Variants in RNF122 observed in about 807,000 individuals in gnomAD.
The protein encoded by RNF122 is ring finger protein 122.
RNF122 carries 17 observed loss-of-function variants against 24.2 expected under a neutral mutation model. The ratio of observed to expected loss-of-function variants is 0.70; its 90% confidence interval spans 0.48 to 1.06. The LOEUF is 1.06. Among genes scored for constraint, RNF122 ranks in the 50% least tolerant of loss-of-function variants. The pLI is 0.00. For synonymous variants in RNF122, 65 were observed against 71.8 expected (o/e 0.91, Z 0.48); for missense variants, 168 against 198.1 (o/e 0.85, Z 0.91).
chr8:33,548,721 G>T lies in RNF122; in HGVS notation c.*32C>A. The T allele has an allele frequency of 7.3e-7, 1 of 1,375,844 alleles. No individual in the cohort carries two copies. Among genetic ancestry groups the T allele is most frequent in the Non-Finnish European group, 1.0e-6 (1 of 962,952 alleles). 85.2% of individuals were successfully genotyped at this position (1,375,844 alleles called of 1,614,324 possible). A position where few individuals can be genotyped will look rare whatever the true frequency, so the allele number is the denominator to read the frequency against. On this transcript the variant is annotated 3_prime_UTR_variant, in exon 6 of 6. Transcript: ENST00000256257. ...GGACCAGACATCCATGAGGCAAGAG[G>T]TCTTCTCCAGGTCTCGGTGTAGCGG... is the stretch of plus-strand genomic sequence containing the variant.
chr8:33,560,852 C>T (rs1050478231), intron 1 of RNF122, among the ~76,000 whole-genome samples: 4 of 152,040 alleles, frequency 2.6e-5, no homozygotes, highest in Admixed American at 1.3e-4. Flanking sequence ...ATCACTTGAA[C>T]CTGGGAGGTG....
rs1300593587 is a variant in RNF122 at position 33,547,799 on chromosome 8, T to C, written c.*954A>G. 1 of 151,948 alleles carries C rather than the reference T, an allele frequency of 6.6e-6. No homozygotes were observed. Among genetic ancestry groups the C allele is most frequent in the South Asian group, 2.1e-4 (1 of 4,802 alleles). 9.4% of individuals were successfully genotyped at this position (151,948 alleles called of 1,614,324 possible). A position where few individuals can be genotyped will look rare whatever the true frequency, so the allele number is the denominator to read the frequency against. On this transcript the variant is annotated 3_prime_UTR_variant, in exon 6 of 6. Transcript: ENST00000256257. ...TTAAATTTATTTTTCTTTAAATATG[T>C]AACTTTCTCCCACCCTCACCCACTC...
At chr8:33,563,505 A>C (rs956578409) in intron 1 of RNF122, among the ~76,000 whole-genome samples, 29 of 152,224 alleles carry the variant, frequency 1.9e-4, no homozygotes, top group Admixed American at 1.3e-4. Context: ...GCTGTGCCCA[A>C]CAGGAAGTTC....
At chr8:33,558,337 G>C (rs922782047) in intron 2 of RNF122, among the ~76,000 whole-genome samples, 4 of 152,176 alleles carry the variant, frequency 2.6e-5, no homozygotes, top group Non-Finnish European at 5.9e-5. Flanking sequence ...CAGTCACACA[G>C]TAATTCTAGG....
chr8:33,548,575 G>T lies in RNF122; in HGVS notation c.*178C>A, dbSNP rs1338608637. ...AAGAAGGCTTCAGGAGGCAGGAAGT[G>T]GGGGCACATCTGGCACTGGTCTTGC... On this transcript the variant is annotated 3_prime_UTR_variant, in exon 6 of 6. Coordinates refer to ENST00000256257, the MANE Select transcript of RNF122 (RefSeq NM_024787.3). 3.7e-5 allele frequency: 20 copies of T among 534,168 alleles called. No individual in the cohort carries two copies. Among genetic ancestry groups the T allele is most frequent in the Middle Eastern group, 5.1e-4 (1 of 1,966 alleles). The allele number at this position is 534,168 out of a possible 1,614,324, so 33.1% of individuals were successfully genotyped here. A position where few individuals can be genotyped will look rare whatever the true frequency, so the allele number is the denominator to read the frequency against.
intron 4 of RNF122, 97 bp from the exon 5 acceptor site, chr8:33,549,589 A>G: frequency 1.1e-6 from 1 of 877,108 alleles, no homozygotes; most frequent in East Asian, 2.6e-5. Context: ...AGTCTGTTCT[A>G]CCAGGCAGAG....
rs144271550 is a variant in RNF122, at chr8:33,549,434, G to A, written c.329C>T (p.Pro110Leu). The A allele has an allele frequency of 6.8e-4, 1,100 of 1,614,094 alleles. 1 individual carries two copies. The highest frequency in any genetic ancestry group is 9.3e-4 in the Admixed American group (56 of 60,028). The change falls in exon 5 of 6, where the codon CCG (proline) becomes CTG (leucine). Residue 110 changes from proline (P) to leucine (L), a missense_variant. Transcript: ENST00000256257. ...CTTGCGGTGAAAGGCGTGTTGGCACGGGAGCACGCCTAACTCATCCTTCCC... is the reference window on the plus strand; with the variant it reads ...CTTGCGGTGAAAGGCGTGTTGGCACAGGAGCACGCCTAACTCATCCTTCCC... ...FKGKDELGVL[P>L]CQHAFHRKCL...
Position 33,563,952 on chromosome 8 carries a change from G to C in RNF122, c.25+2747C>G, listed in dbSNP as rs942672496. Among the ~76,000 whole-genome samples the C allele has an allele frequency of 5.3e-5, 8 of 152,132 alleles. No individual in the cohort carries two copies. In the South Asian group the frequency reaches 1.4e-3, roughly 28 times the overall value. ...CCACCAACTTATCCTGCCTGATAAA[G>C]GCTTCCCCTTTATCTCCCACTGATT... On this transcript the variant is annotated intron_variant, in intron 1 of 5. Transcript: ENST00000256257.
intron 1 of RNF122, among the ~76,000 whole-genome samples, chr8:33,563,143 C>T (rs1810566817): frequency 1.3e-5 from 2 of 151,170 alleles, no homozygotes; most frequent in South Asian, 4.2e-4. Flanking sequence ...CCTGAACCCT[C>T]CTAGGTTTGC....
chr8:33,556,084 T>C (rs1810446649), intron 2 of RNF122, among the ~76,000 whole-genome samples: 1 of 148,712 alleles, frequency 6.7e-6, no homozygotes, highest in East Asian at 2.0e-4. Flanking sequence ...GGAGACTGAG[T>C]TGGGAGGATG....
At chr8:33,554,102 T>TA (rs1245244336) in intron 2 of RNF122, among the ~76,000 whole-genome samples, 1 of 152,196 alleles carries the variant, frequency 6.6e-6, no homozygotes, top group Non-Finnish European at 1.5e-5. Flanking sequence ...GGGCAGGACA[T>TA]ACCCAACGCT....
At chr8:33,554,839 G>A (rs935479315) in intron 2 of RNF122, among the ~76,000 whole-genome samples, 1 of 152,202 alleles carries the variant, frequency 6.6e-6, no homozygotes, top group Non-Finnish European at 1.5e-5. Context: ...TCCTGTGTAG[G>A]GCAGAGGTCA....
chr8:33,559,429 C>G (rs1810506786), intron 1 of RNF122, among the ~76,000 whole-genome samples: 2 of 152,140 alleles, frequency 1.3e-5, no homozygotes, highest in African/African-American at 4.8e-5. Flanking sequence ...TCCAACTCCC[C>G]CATCCCTAGC....
At chr8:33,566,580 C>G in intron 1 of RNF122, 119 bp downstream of exon 1, 1 of 1,040,050 alleles carries the variant, frequency 9.6e-7, no homozygotes, top group Non-Finnish European at 1.5e-6. Flanking sequence ...CTCGACTGTC[C>G]CATTTCAGGA....
chr8:33,558,011 C>T (rs1258561802), intron 2 of RNF122, among the ~76,000 whole-genome samples: 5 of 152,018 alleles, frequency 3.3e-5, no homozygotes, highest in Non-Finnish European at 7.4e-5. Flanking sequence ...GGCGTGGTGG[C>T]GTGCGCCTAT....
chr8:33,555,485 G>A (rs949226774), intron 2 of RNF122, among the ~76,000 whole-genome samples: 4 of 152,200 alleles, frequency 2.6e-5, no homozygotes, highest in Non-Finnish European at 5.9e-5. Context: ...TTACAGGCGT[G>A]AGCCACCACG....
intron 2 of RNF122, among the ~76,000 whole-genome samples, chr8:33,555,462 CA>C (rs1421428051): frequency 6.6e-6 from 1 of 152,212 alleles, no homozygotes; most frequent in East Asian, 1.9e-4. Context: ...CTCAGCCTCC[CA>C]AAGTGCTGGG....
intron 1 of RNF122, among the ~76,000 whole-genome samples, chr8:33,562,657 C>T (rs1335214873): frequency 2.0e-5 from 3 of 152,096 alleles, no homozygotes; most frequent in African/African-American, 7.2e-5. Flanking sequence ...GGTGCAGTGA[C>T]TCACGCCTGT....
chr8:33,556,179 CAAAAAAAA>C (rs538829399), intron 2 of RNF122, among the ~76,000 whole-genome samples: 3 of 33,976 alleles, frequency 8.8e-5, no homozygotes, highest in African/African-American at 3.1e-4. Flanking sequence ...GACCCTGTCT[CAAAAAAAA>C]AAAAAAAAAA....
Sources: gnomAD v4.1 joint callset for allele counts (sites outside exome capture counted in the v4.1 genomes callset) on GRCh38, gnomAD v4.1.1 for gene constraint, MANE v1.5 for transcripts, NCBI Gene and HGNC (gene_info 2026-07-23, HGNC 2026-07-21) for gene names.